The following ZNF595 variants were observed in gnomAD, a reference collection of about 807,000 sequenced individuals.
ZNF595 encodes zinc finger protein 595.
Under a neutral mutation model 19.4 loss-of-function variants are expected in ZNF595, and 9 were observed. That is an observed-to-expected ratio of 0.46 (90% CI 0.28 to 0.81). The LOEUF is 0.81. Ranked by LOEUF, ZNF595 falls within the 30% of genes least tolerant of loss-of-function variation. The pLI, the probability that ZNF595 is intolerant of heterozygous loss-of-function variation, is 0.11. For missense variants in ZNF595, 729 were observed against 736.0 expected (o/e 0.99, Z 0.11); for synonymous variants, 255 against 255.9 (o/e 1.00, Z 0.03).
At chr4:75,031 AT>A (rs1245343540) in intron 3 of ZNF595, among the ~76,000 whole-genome samples, 5 of 148,956 alleles carry the variant, frequency 3.4e-5, no homozygotes, top group South Asian at 2.1e-4. Context: ...TTCATGACAG[AT>A]TTTTTTTTTC....
intron 3 of ZNF595, among the ~76,000 whole-genome samples, chr4:77,353 A>G (rs549822771): frequency 2.0e-5 from 3 of 151,236 alleles, no homozygotes; most frequent in African/African-American, 4.8e-5. Flanking sequence ...TTTTCATCTC[A>G]TTGACATTCC....
chr4:74,575 G>A lies in ZNF595; in HGVS notation c.227-11156G>A, dbSNP rs1392403030. On this transcript the variant is annotated intron_variant, in intron 3 of 3. Coordinates refer to ENST00000610261, the MANE Select transcript of ZNF595 (RefSeq NM_182524.4). ...CTGGAGACATGTGCCCCAGGTGGTC[G>A]GGGAACAACTTAATTTTATACATTT... Among the ~76,000 whole-genome samples the A allele has an allele frequency of 5.3e-5, 8 of 152,150 alleles. No homozygotes were observed. The East Asian group carries it at 1.5e-3, about 29-fold the overall frequency.
At chr4:71,460 C>G (rs1553797867) in intron 3 of ZNF595, among the ~76,000 whole-genome samples, 2 of 152,180 alleles carry the variant, frequency 1.3e-5, no homozygotes, top group Admixed American at 6.5e-5. Flanking sequence ...TTTAGGTTCC[C>G]AATTTCACAA....
chr4:80,047 A>T (rs1002146858), intron 3 of ZNF595, among the ~76,000 whole-genome samples: 3 of 152,038 alleles, frequency 2.0e-5, no homozygotes, highest in Non-Finnish European at 4.4e-5. Context: ...CTTGAGACGA[A>T]GTTTCACTCT....
intron 3 of ZNF595, among the ~76,000 whole-genome samples, chr4:82,298 T>C (rs1713941123): frequency 6.6e-6 from 1 of 152,054 alleles, no homozygotes; most frequent in Admixed American, 6.6e-5. Context: ...ATCTTCATAT[T>C]TGAAACTTTG....
rs542864655 is a variant in ZNF595, at chr4:85,670, C to T, written c.227-61C>T. The stretch of plus-strand genomic sequence containing the variant: ...TTGTATACATTTTCGATATTACATT[C>T]GTAAAGTATATTCATATGAATCTAG... On this transcript the variant is annotated intron_variant, in intron 3 of 3. Coordinates refer to ENST00000610261, the MANE Select transcript of ZNF595 (RefSeq NM_182524.4). 2.8e-5 allele frequency: 41 copies of T among 1,480,712 alleles called. No homozygotes were observed. The East Asian group carries it at 3.7e-4, about 13-fold the overall frequency. 91.7% of individuals were successfully genotyped at this position (1,480,712 alleles called of 1,614,324 possible). A position where few individuals can be genotyped will look rare whatever the true frequency, so the allele number is the denominator to read the frequency against.
At chr4:66,797 A>G (rs1415791154) in intron 3 of ZNF595, among the ~76,000 whole-genome samples, 113 of 152,240 alleles carry the variant, frequency 7.4e-4, no homozygotes, top group African/African-American at 2.5e-3. Flanking sequence ...TCCATCATCT[A>G]TTTGTCTTCT....
chr4:66,269 T>C (rs1581331674), intron 3 of ZNF595, among the ~76,000 whole-genome samples: 1 of 152,152 alleles, frequency 6.6e-6, no homozygotes, highest in Non-Finnish European at 1.5e-5. Context: ...TTTTTTTCAA[T>C]AATTGTGTAT....
rs373489806 is a variant in ZNF595 at position 85,959 on chromosome 4, A to C, written c.455A>C (p.Lys152Thr). Residue 152 changes from lysine to threonine, a missense_variant, in exon 4 of 4, where the codon AAA (lysine) becomes ACA (threonine). By Grantham distance (78) the Lys-to-Thr change is moderately conservative. Around this residue, in one of 2 missense-constraint regions of ZNF595, gnomAD observed 729 missense variants for 675.3 expected, o/e 1.08. Transcript: ENST00000610261. Reference protein sequence around the residue: ...SKIFQCNTCVKVFSKFSNSNK... With the variant: ...SKIFQCNTCVTVFSKFSNSNK... The stretch of plus-strand genomic sequence containing the variant: ...ATATTTCAATGTAATACATGTGTTA[A>C]AGTTTTTAGTAAATTTTCAAATTCA... 4 of 1,610,482 alleles carry C rather than the reference A, an allele frequency of 2.5e-6. No homozygotes were observed. Among genetic ancestry groups the C allele is most frequent in the Non-Finnish European group, 3.4e-6 (4 of 1,177,934 alleles).
chr4:85,255 AC>A (rs1714083515), intron 3 of ZNF595, among the ~76,000 whole-genome samples: 1 of 152,206 alleles, frequency 6.6e-6, no homozygotes, highest in Admixed American at 6.5e-5. Flanking sequence ...GTCTTAGCAG[AC>A]CCAAGCTGTT....
chr4:71,852 G>A (rs1448697467), intron 3 of ZNF595, among the ~76,000 whole-genome samples: 7 of 151,932 alleles, frequency 4.6e-5, no homozygotes, highest in Non-Finnish European at 8.8e-5. Context: ...TGTGGAAGGG[G>A]AAAAAAGTAT....
chr4:86,640 G>A lies in ZNF595; in HGVS notation c.1136G>A (p.Trp379Ter), dbSNP rs782218155. 1.2e-6 allele frequency: 2 copies of A among 1,612,428 alleles called. No homozygotes were observed. The highest frequency in any genetic ancestry group is 1.7e-6 in the Non-Finnish European group (2 of 1,179,598). ...KCEECGKAFTWSSSLNKHKRI... is the reference protein window; with the variant it reads ...KCEECGKAFT ...GAAGAATGTGGCAAAGCCTTTACTT[G>A]GTCCTCATCCCTTAATAAACATAAG... is the stretch of plus-strand genomic sequence containing the variant. Residue 379 changes from tryptophan to a stop codon, truncating the protein, a stop_gained, in exon 4 of 4, where the codon TGG (tryptophan) becomes TAG (stop). Transcript: ENST00000610261. LOFTEE classifies it high-confidence loss of function.
chr4:68,854 C>T (rs1300341068), intron 3 of ZNF595, among the ~76,000 whole-genome samples: 1 of 152,050 alleles, frequency 6.6e-6, no homozygotes, highest in African/African-American at 2.4e-5. Context: ...TAAATCTTAC[C>T]CTAATTATTT....
intron 3 of ZNF595, among the ~76,000 whole-genome samples, chr4:85,167 T>C (rs1308991725): frequency 4.6e-5 from 7 of 152,224 alleles, no homozygotes; most frequent in African/African-American, 1.4e-4. Context: ...TTCATGTTTC[T>C]TCTTATGGTC....
At chr4:71,862 T>A (rs931964422) in intron 3 of ZNF595, among the ~76,000 whole-genome samples, 7 of 151,972 alleles carry the variant, frequency 4.6e-5, no homozygotes, top group African/African-American at 1.7e-4. Context: ...GAAAAAAGTA[T>A]CCCCAACAAC....
intron 3 of ZNF595, among the ~76,000 whole-genome samples, chr4:74,301 G>A (rs1553798343): frequency 1.3e-5 from 2 of 152,146 alleles, no homozygotes; most frequent in Non-Finnish European, 2.9e-5. Flanking sequence ...AAGAATATAA[G>A]TTATACTGTT....
chr4:60,918 T>A (rs1581322517), intron 3 of ZNF595, among the ~76,000 whole-genome samples: 1 of 152,280 alleles, frequency 6.6e-6, no homozygotes, highest in Non-Finnish European at 1.5e-5. Context: ...ACAGCACAGG[T>A]TTTCAAACTC....
intron 3 of ZNF595, among the ~76,000 whole-genome samples, chr4:77,770 C>CA (rs199625636): frequency 1.3e-4 from 19 of 150,736 alleles, no homozygotes; most frequent in South Asian, 2.1e-4. Flanking sequence ...TGGCCTGAGA[C>CA]AAAAAAAAAT....
chr4:86,657 A>T lies in ZNF595; in HGVS notation c.1153A>T (p.Lys385Ter). 6.2e-7 allele frequency: 1 copy of T among 1,608,350 alleles called. No homozygotes were observed. Among genetic ancestry groups the T allele is most frequent in the Non-Finnish European group, 8.5e-7 (1 of 1,178,162 alleles). The part of the protein sequence containing the change: ...KAFTWSSSLN[K>*]HKRIHTGEKP... ...CTTTACTTGGTCCTCATCCCTTAAT[A>T]AACATAAGAGAATTCATACTGGAGA... The change falls in exon 4 of 4, where the codon AAA (lysine) becomes TAA (stop). Residue 385 changes from lysine (K) to a stop codon, truncating the protein, a stop_gained. Transcript: ENST00000610261. LOFTEE classifies it high-confidence loss of function.
Sources: gnomAD v4.1 joint callset for allele counts (sites outside exome capture counted in the v4.1 genomes callset) on GRCh38, gnomAD v4.1.1 for gene constraint, gnomAD v4.1.1 regional missense constraint, MANE v1.5 for transcripts, NCBI Gene and HGNC (gene_info 2026-07-23, HGNC 2026-07-21) for gene names.